The following DMBT1 variants were observed in gnomAD, a reference collection of about 807,000 sequenced individuals.
DMBT1 encodes the protein deleted in malignant brain tumors 1.
Under a neutral mutation model 252.9 loss-of-function variants are expected in DMBT1, and 198 were observed. The ratio of observed to expected loss-of-function variants is 0.78; its 90% CI spans 0.70 to 0.88. DMBT1 has a LOEUF of 0.88. Among genes scored for constraint, DMBT1 ranks in the 40% least tolerant of loss-of-function variants. DMBT1 has a pLI of 0.00. For missense variants in DMBT1, 2,432 were observed against 2,404.7 expected (o/e 1.01, Z -0.24); for synonymous variants, 990 against 942.7 (o/e 1.05, Z -0.92).
Position 122,578,777 on chromosome 10 carries a change from C to T in DMBT1, c.679+18C>T, listed in dbSNP as rs1205837817. ...CACAGAAGGTAAAGAATCCTCTCAA[C>T]ACTCCCTGGGGCTCACTTTCTACCT... On this transcript the variant is annotated intron_variant, in intron 9 of 55. Transcript: ENST00000338354. 1 of 1,599,754 alleles carries T rather than the reference C, an allele frequency of 6.3e-7. No individual in the cohort carries two copies. The highest frequency in any genetic ancestry group is 8.5e-7 in the Non-Finnish European group (1 of 1,171,570).
rs747280704 is a variant in DMBT1 at position 122,629,973 on chromosome 10, C to A, written c.5802C>A (p.Asn1934Lys). The A allele has an allele frequency of 4.3e-6, 7 of 1,613,966 alleles. No individual in the cohort carries two copies. In the South Asian group the frequency reaches 7.7e-5, roughly 18 times the overall value. ...EIEVNSGYRI[N>K]LGFSNLKLEA... ...AAGTGAATTCTGGTTATCGCATAAA[C>A]CTGGGCTTCAGTAATCTGAAGTAAG... Residue 1934 changes from asparagine to lysine, a missense_variant, in exon 47 of 56, where the codon AAC (asparagine) becomes AAA (lysine). Physicochemically the swap from Asn to Lys is moderately conservative, Grantham distance 94. This residue lies in a region of DMBT1 where 1,162 missense variants were observed against 1,169.0 expected (regional missense o/e 0.99). Coordinates refer to ENST00000338354, the MANE Select transcript of DMBT1 (RefSeq NM_001377530.1).
At position 122,621,394 on chromosome 10, in the gene DMBT1, A is replaced by T; in HGVS notation, c.5608+14A>T. ...TCATCTGCTCAGGTGGGCCTTCAAG[A>T]CCTGGGGCTCCCTCTCTTGGGGTGG... On this transcript the variant is annotated intron_variant, in intron 44 of 55. Coordinates refer to ENST00000338354, the MANE Select transcript of DMBT1 (RefSeq NM_001377530.1). 6.2e-7 allele frequency: 1 copy of T among 1,613,796 alleles called. No homozygotes were observed. Among genetic ancestry groups the T allele is most frequent in the Non-Finnish European group, 8.5e-7 (1 of 1,179,732 alleles).
At chr10:122,600,573 G>A (rs1464780673) in intron 27 of DMBT1, among the ~76,000 whole-genome samples, 2 of 152,162 alleles carry the variant, frequency 1.3e-5, no homozygotes, top group African/African-American at 4.8e-5. Context: ...CAGGGAGAGG[G>A]ATAATAAAGG....
chr10:122,592,652 A>G, intron 20 of DMBT1, 57 bp downstream of exon 20: 3 of 1,582,604 alleles, frequency 1.9e-6, no homozygotes, highest in Non-Finnish European at 1.7e-6. Context: ...TCAGGAAGAA[A>G]ATCCTAATTA....
At chr10:122,566,777 C>A (rs942499735) in intron 2 of DMBT1, among the ~76,000 whole-genome samples, 1 of 152,170 alleles carries the variant, frequency 6.6e-6, no homozygotes, top group Non-Finnish European at 1.5e-5. Context: ...TCAACTAATG[C>A]ACATAGTGAG....
Position 122,569,210 on chromosome 10 carries a change from C to T in DMBT1, c.92-952C>T, listed in dbSNP as rs540992835. ...TGATGAGCAGCATCACGACCACCCC[C>T]GGCCTGGGATACCAAATATATATCT... On this transcript the variant is annotated intron_variant, in intron 2 of 55. Coordinates refer to ENST00000338354, the MANE Select transcript of DMBT1 (RefSeq NM_001377530.1). Among the ~76,000 whole-genome samples the T allele has an allele frequency of 1.8e-4, 27 of 152,266 alleles. No homozygotes were observed. The South Asian group carries it at 5.0e-3, about 28-fold the overall frequency.
chr10:122,593,548 C>T (rs2097870110), intron 20 of DMBT1, 21 bp from the exon 21 acceptor site: 2 of 1,585,850 alleles, frequency 1.3e-6, no homozygotes, highest in Non-Finnish European at 1.7e-6. Flanking sequence ...CTGATCTGAC[C>T]TTCTCTTCTC....
At chr10:122,639,882 C>T (rs1844210135) in intron 54 of DMBT1, among the ~76,000 whole-genome samples, 158 bp from the exon 55 acceptor site, 1 of 152,146 alleles carries the variant, frequency 6.6e-6, no homozygotes, top group African/African-American at 2.4e-5. Context: ...TGGCTCATAG[C>T]CAAAGGATAG....
At chr10:122,561,546 G>GTCTCTCTCTTCC (rs1368756862) in intron 1 of DMBT1, among the ~76,000 whole-genome samples, 1 of 130,002 alleles carries the variant, frequency 7.7e-6, no homozygotes, top group African/African-American at 2.8e-5. Context: ...TGCCTATTTT[G>GTCTCTCTCTTCC]TCTCTCTCTT....
chr10:122,636,298 C>G, intron 53 of DMBT1, 99 bp downstream of exon 53: 1 of 1,137,952 alleles, frequency 8.8e-7, no homozygotes, highest in East Asian at 2.6e-5. Context: ...AATGAAGGAA[C>G]CCTTTCAGGT....
chr10:122,630,542 C>T (rs1283426706), intron 48 of DMBT1, 52 bp downstream of exon 48: 2 of 1,576,130 alleles, frequency 1.3e-6, no homozygotes, highest in African/African-American at 2.7e-5. Flanking sequence ...TACCCAGCTG[C>T]CTCTTTGGGG....
At position 122,592,519 on chromosome 10, in the gene DMBT1, C is replaced by T. The variant is rs560609692; in HGVS notation, c.2424C>T (p.Tyr808=). Residue 808 remains tyrosine (Y), a synonymous_variant, in exon 20 of 56, where the codon TAC becomes TAT. Transcript: ENST00000338354. ...DDVRCSGHES[Y]LWSCPHNGWL... is the part of the protein sequence containing the mutation. Reference sequence around the variant, plus strand: ...TGCGCTGCTCAGGACACGAGTCCTACCTGTGGAGCTGCCCCCACAATGGCT... The same window carrying T: ...TGCGCTGCTCAGGACACGAGTCCTATCTGTGGAGCTGCCCCCACAATGGCT... The T allele has an allele frequency of 1.4e-5, 23 of 1,588,212 alleles. 3 individuals are homozygous for T. In the South Asian group the frequency reaches 1.7e-4, roughly 12 times the overall value.
rs768210873 is a variant in DMBT1 at position 122,579,541 on chromosome 10, A to G, written c.680-37A>G. The G allele has an allele frequency of 5.7e-5, 92 of 1,612,190 alleles. No homozygotes were observed. In the Middle Eastern group the frequency reaches 6.2e-4, roughly 11 times the overall value. On this transcript the variant is annotated intron_variant, in intron 9 of 55. Coordinates refer to ENST00000338354, the MANE Select transcript of DMBT1 (RefSeq NM_001377530.1). ...CTTACCTTAGATTCTTGACCTCATG[A>G]TAGGGATGGATGAAGGGTTCTTGTG...
intron 6 of DMBT1, among the ~76,000 whole-genome samples, chr10:122,574,031 G>A (rs2097689996): frequency 6.6e-6 from 1 of 152,276 alleles, no homozygotes; most frequent in South Asian, 2.1e-4. Context: ...ATCTTTGCTT[G>A]TTGCTCACTC....
At chr10:122,593,363 C>A (rs969747997) in intron 20 of DMBT1, among the ~76,000 whole-genome samples, 2 of 148,220 alleles carry the variant, frequency 1.3e-5, no homozygotes, top group African/African-American at 4.9e-5. Flanking sequence ...ATTTGATCAC[C>A]TCAGAGCTGG....
rs761274731 is a variant in DMBT1, at chr10:122,598,651, A to G, written c.2957-123A>G. 350 of 1,556,560 alleles carry G rather than the reference A, an allele frequency of 2.2e-4. No individual in the cohort carries two copies. In the Middle Eastern group the frequency reaches 3.1e-3, roughly 14 times the overall value. On this transcript the variant is annotated intron_variant, in intron 25 of 55. Transcript: ENST00000338354. ...AAGCTGAATCTCTGATTTTATTCAT[A>G]TTCAAAGGTGACTGCCTGCCCAGGT...
chr10:122,640,110 G>A lies in DMBT1; in HGVS notation c.7013G>A (p.Arg2338Lys). The A allele has an allele frequency of 1.2e-6, 2 of 1,614,010 alleles. No homozygotes were observed. Reference protein sequence around the residue: ...AAVSGGIIKRRTDLRIHVSCR... With the variant: ...AAVSGGIIKRKTDLRIHVSCR... ...GTCTCAGGTGGCATCATCAAGAGGA[G>A]GACAGACCTCCGTATTCACGTCAGC... The change falls in exon 55 of 56, where the codon AGG becomes AAG. Residue 2338 changes from arginine to lysine, a missense_variant. Physicochemically the swap from Arg to Lys is conservative, Grantham distance 26 (BLOSUM62 2). Coordinates refer to ENST00000338354, the MANE Select transcript of DMBT1 (RefSeq NM_001377530.1).
intron 11 of DMBT1, 52 bp downstream of exon 11, chr10:122,580,947 A>G (rs1433885307): frequency 1.3e-6 from 2 of 1,596,708 alleles, no homozygotes; most frequent in African/African-American, 2.7e-5. Context: ...CTGCCCAATC[A>G]CCCCTTCCAC....
At position 122,598,117 on chromosome 10, in the gene DMBT1, C is replaced by T. The variant is rs917387369; in HGVS notation, c.2956+105C>T. 4.5e-6 allele frequency: 7 copies of T among 1,539,052 alleles called. No individual in the cohort carries two copies. The Admixed American group carries it at 1.0e-4, about 22-fold the overall frequency. Reference sequence around the variant, plus strand: ...GGTCAAGGTGGGCCCCTCTCTTTTTCATGTCCCTGTGGGTTGCATGGGAGG... The same window carrying T: ...GGTCAAGGTGGGCCCCTCTCTTTTTTATGTCCCTGTGGGTTGCATGGGAGG... On this transcript the variant is annotated intron_variant, in intron 25 of 55. Coordinates refer to ENST00000338354, the MANE Select transcript of DMBT1 (RefSeq NM_001377530.1).
Sources: allele counts gnomAD v4.1 joint callset (sites outside exome capture counted in the v4.1 genomes callset), GRCh38; gene constraint gnomAD v4.1.1; regional missense constraint gnomAD v4.1.1; transcripts MANE v1.5; gene names NCBI Gene and HGNC (gene_info 2026-07-23, HGNC 2026-07-21).